Variants in FBN2 observed in about 807,000 individuals in gnomAD.
FBN2 encodes the protein fibrillin-2.
In FBN2, 105 loss-of-function variants were observed where a neutral mutation model predicts 355.6. That is an observed-to-expected ratio of 0.30 (90% CI 0.25 to 0.35). FBN2 has a LOEUF of 0.35. Ranked by LOEUF, FBN2 falls within the 10% of genes least tolerant of loss-of-function variation. The pLI is 1.00. For missense variants in FBN2, 3,280 were observed against 3,758.7 expected, an observed-to-expected ratio of 0.87 and a Z score of 3.33; for synonymous variants, 1,350 against 1,301.2, an observed-to-expected ratio of 1.04 and a Z score of -0.81.
chr5:128,282,450 TA>T (rs1259939862), intron 55 of FBN2, among the ~76,000 whole-genome samples: 1 of 152,138 alleles, frequency 6.6e-6, no homozygotes, highest in Non-Finnish European at 1.5e-5. Context: ...TTGTCTGAAT[TA>T]TTTTTTTTCA....
intron 7 of FBN2, among the ~76,000 whole-genome samples, chr5:128,415,041 T>A (rs1364517488): frequency 6.6e-6 from 1 of 152,186 alleles, no homozygotes; most frequent in Non-Finnish European, 1.5e-5. Flanking sequence ...GATTTGCCTA[T>A]GAATTTCCAT....
intron 25 of FBN2, among the ~76,000 whole-genome samples, chr5:128,343,121 G>C (rs912546865): frequency 1.5e-4 from 23 of 152,182 alleles, no homozygotes; most frequent in African/African-American, 5.3e-4. Flanking sequence ...GTAATAGATG[G>C]GGGTGGAGGG....
At position 128,385,857 on chromosome 5, in the gene FBN2, C is replaced by T. The variant is rs12519466; in HGVS notation, c.1603+6161G>A. 5.6e-3 allele frequency among the ~76,000 whole-genome samples: 858 copies of T among 152,122 alleles called. 50 individuals carry two copies. Among genetic ancestry groups the T allele is most frequent in the Admixed American group, 0.049 (755 of 15,266 alleles). On this transcript the variant is annotated intron_variant, in intron 11 of 64. Coordinates refer to ENST00000262464, the MANE Select transcript of FBN2 (RefSeq NM_001999.4). ...TGTCTTCTTTAGAGAAGTGTCTGCT[C>T]ATGTCCTTTACCCATTATTTAATGA...
At chr5:128,479,960 CTCTCTCTCTCTCTCTCTATATATATATA>C (rs1487821978) in intron 5 of FBN2, among the ~76,000 whole-genome samples, 20 of 37,318 alleles carry the variant, frequency 5.4e-4, no homozygotes, top group East Asian at 2.8e-3. Context: ...CTCTCTCTCT[CTCTCTCTCTCTCTCTCTATATATATATA>C]TATATATATA....
intron 15 of FBN2, among the ~76,000 whole-genome samples, chr5:128,371,931 A>T (rs1270973583): frequency 6.6e-6 from 1 of 152,230 alleles, no homozygotes; most frequent in Non-Finnish European, 1.5e-5. Flanking sequence ...GCAAAATGCT[A>T]ACTTTATTTT....
At chr5:128,412,258 T>C (rs1479030934) in intron 7 of FBN2, among the ~76,000 whole-genome samples, 1 of 152,248 alleles carries the variant, frequency 6.6e-6, no homozygotes, top group Non-Finnish European at 1.5e-5. Context: ...TATGTTCAAC[T>C]AGGCCTTCCT....
chr5:128,526,616 A>G (rs1007153405), intron 4 of FBN2, among the ~76,000 whole-genome samples: 7 of 152,176 alleles, frequency 4.6e-5, no homozygotes, highest in Admixed American at 3.9e-4. Context: ...TATGCTAAGT[A>G]TAACAAACCA....
intron 36 of FBN2, among the ~76,000 whole-genome samples, chr5:128,314,604 C>T (rs931275400): frequency 1.3e-5 from 2 of 152,192 alleles, no homozygotes; most frequent in Non-Finnish European, 2.9e-5. Context: ...GCGTGAGCCA[C>T]CACGCCCAGC....
chr5:128,337,629 C>T (rs978151181), intron 27 of FBN2, among the ~76,000 whole-genome samples: 3 of 152,180 alleles, frequency 2.0e-5, no homozygotes, highest in African/African-American at 4.8e-5. Flanking sequence ...GGCACAGGGG[C>T]GTAGAGCGGA....
At chr5:128,261,603 T>C in intron 64 of FBN2, 133 bp downstream of exon 64, 2 of 801,168 alleles carry the variant, frequency 2.5e-6, no homozygotes, top group Non-Finnish European at 4.4e-6. Flanking sequence ...TTTTCCATAC[T>C]GGGTCCATTA....
At chr5:128,375,834 G>A (rs572095785) in intron 14 of FBN2, among the ~76,000 whole-genome samples, 3 of 152,094 alleles carry the variant, frequency 2.0e-5, no homozygotes, top group African/African-American at 7.2e-5. Flanking sequence ...CCATGAGTTT[G>A]AGACCAGCCT....
chr5:128,309,831 T>G (rs2126843523), intron 40 of FBN2, 152 bp downstream of exon 40: 1 of 879,574 alleles, frequency 1.1e-6, no homozygotes, highest in Middle Eastern at 3.1e-4. Flanking sequence ...GGTCAAAAAC[T>G]TGATACTAAG....
chr5:128,486,493 A>G (rs1755340477), intron 5 of FBN2, among the ~76,000 whole-genome samples: 1 of 152,194 alleles, frequency 6.6e-6, no homozygotes, highest in Non-Finnish European at 1.5e-5. Flanking sequence ...ATTATTGTTC[A>G]CAACACTCTA....
At chr5:128,407,953 C>T (rs1004115967) in intron 8 of FBN2, among the ~76,000 whole-genome samples, 2 of 152,208 alleles carry the variant, frequency 1.3e-5, no homozygotes, top group African/African-American at 2.4e-5. Flanking sequence ...ATTAATTTTC[C>T]TAATTCCTGC....
chr5:128,493,722 C>T (rs796993135), intron 5 of FBN2, among the ~76,000 whole-genome samples: 16 of 152,146 alleles, frequency 1.1e-4, no homozygotes, highest in African/African-American at 3.9e-4. Flanking sequence ...AGGATGACTG[C>T]TACATGGTCT....
Position 128,258,714 on chromosome 5 carries a change from G to C in FBN2, c.*741C>G, listed in dbSNP as rs2126790818. 5 of 152,912 alleles carry C rather than the reference G, an allele frequency of 3.3e-5. No homozygotes were observed. The South Asian group carries it at 1.0e-3, about 32-fold the overall frequency. 9.5% of individuals were successfully genotyped at this position (152,912 alleles called of 1,614,324 possible). Reference sequence around the variant, plus strand: ...GTCAAGGTATTTTGCTACAGTGGTTGTGCTTCAACTTCTGTTGCCTGGTGT... The same window carrying C: ...GTCAAGGTATTTTGCTACAGTGGTTCTGCTTCAACTTCTGTTGCCTGGTGT... On this transcript the variant is annotated 3_prime_UTR_variant, in exon 65 of 65. Transcript: ENST00000262464.
At chr5:128,318,004 T>C in intron 36 of FBN2, 145 bp downstream of exon 36, 2 of 825,836 alleles carry the variant, frequency 2.4e-6, no homozygotes, top group Non-Finnish European at 4.0e-6. Flanking sequence ...AGCAGATGAT[T>C]TGGAAGAGAA....
chr5:128,351,088 C>A, intron 20 of FBN2, 83 bp from the exon 21 acceptor site: 1 of 1,530,978 alleles, frequency 6.5e-7, no homozygotes, highest in East Asian at 2.3e-5. Flanking sequence ...GCATTTGTTA[C>A]AGTATTCTAA....
rs757464630 is a variant in FBN2 at position 128,344,551 on chromosome 5, T to C, written c.3218-41A>G. On this transcript the variant is annotated intron_variant, in intron 24 of 64. Coordinates refer to ENST00000262464, the MANE Select transcript of FBN2 (RefSeq NM_001999.4). ...AGCCAGAATGTAGAGCCGGTTGATA[T>C]AAACGATTAGGTCCATCACTTTAAG... 65 of 1,604,994 alleles carry C rather than the reference T, an allele frequency of 4.0e-5. 1 individual carries two copies. The South Asian group carries it at 6.2e-4, about 15-fold the overall frequency.
Sources: gnomAD v4.1 joint callset for allele counts (sites outside exome capture counted in the v4.1 genomes callset) on GRCh38, gnomAD v4.1.1 for gene constraint, MANE v1.5 for transcripts, NCBI Gene and HGNC (gene_info 2026-07-23, HGNC 2026-07-21) for gene names.